The following GCLM variants were observed in gnomAD, a reference collection of about 807,000 sequenced individuals.
The protein encoded by GCLM is glutamate-cysteine ligase modifier subunit.
In GCLM, 15 loss-of-function variants were observed where a neutral mutation model predicts 36.0. The observed-to-expected ratio is 0.42, with a 90% CI of 0.28 to 0.64. The LOEUF (loss-of-function observed/expected upper bound fraction) is 0.64. Among genes scored for constraint, GCLM ranks in the 30% least tolerant of loss-of-function variants. The pLI is 0.25. For synonymous variants in GCLM, 129 were observed against 122.8 expected, an observed-to-expected ratio of 1.05 and a Z score of -0.34; for missense variants, 242 against 325.5, an observed-to-expected ratio of 0.74 and a Z score of 1.97.
rs1190134397 is a variant in GCLM, at chr1:93,885,559, C to T, written c.*3431G>A. On this transcript the variant is annotated 3_prime_UTR_variant, in exon 7 of 7. Transcript: ENST00000370238. ...TAAAACTGCCATATCCCATTGCCAA[C>T]TTTACATGAAAAAGGTATATGTTCT... 6.6e-6 allele frequency: 1 copy of T among 152,054 alleles called. No homozygotes were observed. Among genetic ancestry groups the T allele is most frequent in the Non-Finnish European group, 1.5e-5 (1 of 68,002 alleles). The allele number at this position is 152,054 out of a possible 1,614,324, so 9.4% of individuals were successfully genotyped here.
At chr1:93,890,961 C>CA (rs1656515604) in intron 6 of GCLM, among the ~76,000 whole-genome samples, 1 of 150,826 alleles carries the variant, frequency 6.6e-6, no homozygotes, top group South Asian at 2.1e-4. Flanking sequence ...ACTGCAGCCT[C>CA]AAACTTCTGG....
chr1:93,902,123 AT>A (rs11292204), intron 2 of GCLM, among the ~76,000 whole-genome samples: 67,874 of 151,802 alleles, frequency 0.45, 17,125 homozygotes, highest in African/African-American at 0.69. Context: ...TTTTAATGTT[AT>A]TTGAACTTTA....
chr1:93,890,516 A>AT (rs1220577939), intron 6 of GCLM, among the ~76,000 whole-genome samples: 41 of 152,346 alleles, frequency 2.7e-4, no homozygotes, highest in African/African-American at 9.9e-4. Context: ...GCATTGATCC[A>AT]TAAAAACCCT....
chr1:93,897,792 C>T (rs757510201), intron 4 of GCLM, 47 bp downstream of exon 4: 4 of 956,322 alleles, frequency 4.2e-6, no homozygotes, highest in African/African-American at 1.7e-5. Context: ...TACACCTATA[C>T]TAATTTAAAG....
In GCLM at chr1:93,909,272, G is replaced by A. The variant is rs990116908; in HGVS notation, c.-109C>T. The A allele has an allele frequency of 1.3e-5, 14 of 1,067,666 alleles. No individual in the cohort carries two copies. The highest frequency in any genetic ancestry group is 1.5e-5 in the Non-Finnish European group (13 of 884,692). 66.1% of individuals were successfully genotyped at this position (1,067,666 alleles called of 1,614,324 possible). A position where few individuals can be genotyped will look rare whatever the true frequency, so the allele number is the denominator to read the frequency against. ...CGAGGCCCGAGAGAGACCCGAGAGG[G>A]AGCGCGAGGCTGCCGGCGCCGCGCG... On this transcript the variant is annotated 5_prime_UTR_variant, in exon 1 of 7. Transcript: ENST00000370238.
At position 93,909,056 on chromosome 1, in the gene GCLM, C is replaced by G. The variant is rs1657259280; in HGVS notation, c.108G>C (p.Pro36=). 6.8e-7 allele frequency: 1 copy of G among 1,473,640 alleles called. No homozygotes were observed. The highest frequency in any genetic ancestry group is 2.4e-4 in the Middle Eastern group (1 of 4,238). The allele number at this position is 1,473,640 out of a possible 1,614,324, so 91.3% of individuals were successfully genotyped here. A position where few individuals can be genotyped will look rare whatever the true frequency, so the allele number is the denominator to read the frequency against. ...CGCTCACCTCCTCGCTGTGCGTGGACGGGCACTTCTTCCGCAGGCGGCCCC... is the reference window on the plus strand; with the variant it reads ...CGCTCACCTCCTCGCTGTGCGTGGAGGGGCACTTCTTCCGCAGGCGGCCCC... The part of the protein sequence containing the change: ...LNWGRLRKKC[P]STHSEELHDC... The change falls in exon 1 of 7, where the codon CCG becomes CCC. Residue 36 remains proline (P), a synonymous_variant. Transcript: ENST00000370238.
At chr1:93,891,869 T>G (rs528522421) in intron 6 of GCLM, among the ~76,000 whole-genome samples, 42 of 152,360 alleles carry the variant, frequency 2.8e-4, no homozygotes, top group African/African-American at 1.0e-3. Context: ...CTGAGTACTT[T>G]ACATGTATTA....
chr1:93,904,524 C>G lies in GCLM; in HGVS notation c.191G>C (p.Arg64Thr). The change falls in exon 2 of 7, where the codon AGG becomes ACG. Residue 64 changes from arginine to threonine, a missense_variant and splice_region_variant. Transcript: ENST00000370238. Reference sequence around the variant, plus strand: ...TTTTTGCATTCACATTTCACTTACCCTGACCAAATCTGGGTTGATTTGGGA... The same window carrying G: ...TTTTTGCATTCACATTTCACTTACCGTGACCAAATCTGGGTTGATTTGGGA... ...WSSQINPDLV[R>T]EFPDVLECTV... The G allele has an allele frequency of 1.3e-6, 2 of 1,598,838 alleles. No homozygotes were observed. The highest frequency in any genetic ancestry group is 1.7e-6 in the Non-Finnish European group (2 of 1,166,168).
chr1:93,895,664 T>C (rs1656699727), intron 5 of GCLM, among the ~76,000 whole-genome samples: 1 of 152,126 alleles, frequency 6.6e-6, no homozygotes, highest in Non-Finnish European at 1.5e-5. Context: ...TTCCTGTCCA[T>C]AAGAAACTCT....
chr1:93,887,065 G>C lies in GCLM; in HGVS notation c.*1925C>G, dbSNP rs1024145168. 4.1e-5 allele frequency: 6 copies of C among 145,974 alleles called. No homozygotes were observed. The highest frequency in any genetic ancestry group is 8.9e-5 in the Non-Finnish European group (6 of 67,502). The allele number at this position is 145,974 out of a possible 1,614,324, so 9.0% of individuals were successfully genotyped here. On this transcript the variant is annotated 3_prime_UTR_variant, in exon 7 of 7. Transcript: ENST00000370238. The stretch of plus-strand genomic sequence containing the variant: ...GGCTGGAGTGCAATGGCGTGATCTC[G>C]GCTCACTGCAAACTCCGCCTCCCAG...
chr1:93,890,211 C>A (rs922088201), intron 6 of GCLM, among the ~76,000 whole-genome samples: 1 of 151,642 alleles, frequency 6.6e-6, no homozygotes, highest in African/African-American at 2.4e-5. Context: ...TGCCCGGCCT[C>A]GAAAAATATT....
Position 93,887,791 on chromosome 1 carries a change from A to G in GCLM, c.*1199T>C, listed in dbSNP as rs2100901449. ...ATGAAATACAAGAGATTTTTAAAGA[A>G]GTTTTCAAACTATTCAGGTTACAGA... On this transcript the variant is annotated 3_prime_UTR_variant, in exon 7 of 7. Coordinates refer to ENST00000370238, the MANE Select transcript of GCLM (RefSeq NM_002061.4). 6.6e-6 allele frequency: 1 copy of G among 152,262 alleles called. No individual in the cohort carries two copies. Among genetic ancestry groups the G allele is most frequent in the Admixed American group, 6.5e-5 (1 of 15,290 alleles). 9.4% of individuals were successfully genotyped at this position (152,262 alleles called of 1,614,324 possible).
intron 6 of GCLM, among the ~76,000 whole-genome samples, chr1:93,892,154 T>G (rs1164878122): frequency 6.6e-6 from 1 of 152,136 alleles, no homozygotes; most frequent in Non-Finnish European, 1.5e-5. Flanking sequence ...AATGGAAAGT[T>G]CTAAATTCAG....
Position 93,888,980 on chromosome 1 carries a change from C to T in GCLM, c.*10G>A. ...AAGGAAATTACAGGTAAGTTATGCT[C>T]CTAAGTCAGTTAAGAACCCCTTCTT... On this transcript the variant is annotated 3_prime_UTR_variant, in exon 7 of 7. Coordinates refer to ENST00000370238, the MANE Select transcript of GCLM (RefSeq NM_002061.4). The T allele has an allele frequency of 1.3e-6, 2 of 1,564,852 alleles. No homozygotes were observed. The highest frequency in any genetic ancestry group is 1.7e-6 in the Non-Finnish European group (2 of 1,156,972).
Position 93,909,362 on chromosome 1 carries a change from G to C in GCLM, c.-199C>G. On this transcript the variant is annotated 5_prime_UTR_variant, in exon 1 of 7. Transcript: ENST00000370238. ...ACGGCGGCTGGGCGGCGGCGGGAAA[G>C]GAAGGCACCGGTGGCTGCGGCTCCG... The C allele has an allele frequency of 1.0e-6, 1 of 984,028 alleles. No individual in the cohort carries two copies. The highest frequency in any genetic ancestry group is 1.2e-6 in the Non-Finnish European group (1 of 820,276). The allele number at this position is 984,028 out of a possible 1,614,324, so 61.0% of individuals were successfully genotyped here.
At position 93,885,817 on chromosome 1, in the gene GCLM, G is replaced by A. The variant is rs1656282105; in HGVS notation, c.*3173C>T. The stretch of plus-strand genomic sequence containing the variant: ...ACTGGGTGAAAAATCTAGAAAGACA[G>A]TGTTAAAGGAGCATAATTAAATGAA... On this transcript the variant is annotated 3_prime_UTR_variant, in exon 7 of 7. Coordinates refer to ENST00000370238, the MANE Select transcript of GCLM (RefSeq NM_002061.4). 1 of 152,106 alleles carries A rather than the reference G, an allele frequency of 6.6e-6. No individual in the cohort carries two copies. Among genetic ancestry groups the A allele is most frequent in the Non-Finnish European group, 1.5e-5 (1 of 67,974 alleles). The allele number at this position is 152,106 out of a possible 1,614,324, so 9.4% of individuals were successfully genotyped here. A position where few individuals can be genotyped will look rare whatever the true frequency, so the allele number is the denominator to read the frequency against.
At chr1:93,903,705 T>C (rs1331824718) in intron 2 of GCLM, among the ~76,000 whole-genome samples, 1 of 152,190 alleles carries the variant, frequency 6.6e-6, no homozygotes, top group Non-Finnish European at 1.5e-5. Context: ...TTTTAATGAA[T>C]AATTTACAAG....
chr1:93,897,762 T>A, intron 4 of GCLM, 77 bp downstream of exon 4: 1 of 730,272 alleles, frequency 1.4e-6, no homozygotes. Context: ...TACCTGGACC[T>A]AAGCACAAGT....
intron 1 of GCLM, among the ~76,000 whole-genome samples, chr1:93,905,011 TA>T (rs1241566428): frequency 2.6e-5 from 4 of 151,898 alleles, no homozygotes; most frequent in Admixed American, 6.6e-5. Context: ...CTGTCTCTAC[TA>T]AAAATACAAA....
Sources: gnomAD v4.1 joint callset for allele counts (sites outside exome capture counted in the v4.1 genomes callset) on GRCh38, gnomAD v4.1.1 for gene constraint, MANE v1.5 for transcripts, NCBI Gene and HGNC (gene_info 2026-07-23, HGNC 2026-07-21) for gene names.